The following TTC13 variants were observed in gnomAD, a reference collection of about 807,000 sequenced individuals.
TTC13 encodes the protein tetratricopeptide repeat domain 13.
A neutral mutation model predicts 120.0 loss-of-function variants in TTC13; 62 were observed. That is an observed-to-expected ratio of 0.52 (90% CI 0.42 to 0.64). The LOEUF (loss-of-function observed/expected upper bound fraction) is 0.64, where lower values mean the gene tolerates loss of function less well. Among genes scored for constraint, TTC13 ranks in the 30% least tolerant of loss-of-function variants. TTC13 has a pLI of 0.00. For missense variants in TTC13, 824 were observed against 1,050.2 expected (o/e 0.78, Z 2.98); for synonymous variants, 384 against 393.5 (o/e 0.98, Z 0.28).
At chr1:230,916,942 T>C (rs1323548049) in intron 17 of TTC13, among the ~76,000 whole-genome samples, 1 of 152,190 alleles carries the variant, frequency 6.6e-6, no homozygotes, top group Admixed American at 6.5e-5. Context: ...TGGCAATAAA[T>C]AGGTTTCAGA....
chr1:230,955,488 C>G (rs1476295671), intron 3 of TTC13, among the ~76,000 whole-genome samples: 1 of 149,450 alleles, frequency 6.7e-6, no homozygotes, highest in Non-Finnish European at 1.5e-5. Flanking sequence ...ACGGTGAAAC[C>G]CCGTCTCTAC....
chr1:230,937,974 G>A (rs767737949), intron 8 of TTC13, among the ~76,000 whole-genome samples: 2 of 152,140 alleles, frequency 1.3e-5, no homozygotes, highest in Non-Finnish European at 2.9e-5. Flanking sequence ...GCACTAATAC[G>A]TATTGAGCAC....
chr1:230,977,430 C>T (rs933662313), intron 1 of TTC13, among the ~76,000 whole-genome samples: 1 of 152,122 alleles, frequency 6.6e-6, no homozygotes. Context: ...CTTTCTCCAC[C>T]GTGCAAGGCT....
intron 7 of TTC13, 88 bp from the exon 8 acceptor site, chr1:230,939,584 A>G (rs1016024473): frequency 1.3e-5 from 10 of 767,836 alleles, no homozygotes; most frequent in African/African-American, 6.9e-5. Context: ...GAGAAAAAAA[A>G]TCTCAATTCA....
At chr1:230,957,665 C>T (rs1184477169) in intron 3 of TTC13, among the ~76,000 whole-genome samples, 3 of 152,190 alleles carry the variant, frequency 2.0e-5, no homozygotes, top group Non-Finnish European at 4.4e-5. Context: ...CACTAGACAG[C>T]GAGGGAAACA....
At position 230,924,900 on chromosome 1, in the gene TTC13, A is replaced by G. The variant is rs1365514822; in HGVS notation, c.1662T>C (p.Asn554=). 9.3e-6 allele frequency: 15 copies of G among 1,614,088 alleles called. No homozygotes were observed. The highest frequency in any genetic ancestry group is 1.3e-5 in the African/African-American group (1 of 74,926). The change falls in exon 14 of 23, where the codon AAT becomes AAC. Residue 554 remains asparagine, a synonymous_variant. Coordinates refer to ENST00000366661, the MANE Select transcript of TTC13 (RefSeq NM_024525.5). ...TCCACTGCATCAACCGTGTCTTCCC[A>G]TTCATTCGAACTTTCGAGTTGGTCC... ...RTWTNSKVRM[N]GKTRLMQWRD...
At chr1:230,968,215 TAA>T (rs36025426) in intron 1 of TTC13, among the ~76,000 whole-genome samples, 5 of 143,614 alleles carry the variant, frequency 3.5e-5, no homozygotes, top group Non-Finnish European at 6.0e-5. Flanking sequence ...TTATTGTGGT[TAA>T]AAAAAAAACA....
intron 4 of TTC13, among the ~76,000 whole-genome samples, chr1:230,946,489 A>T (rs1675010101): frequency 6.6e-6 from 1 of 152,236 alleles, no homozygotes; most frequent in Non-Finnish European, 1.5e-5. Context: ...ATAGAATGAG[A>T]TGCATCTATA....
At chr1:230,933,916 T>A in intron 8 of TTC13, 55 bp from the exon 9 acceptor site, 1 of 1,121,748 alleles carries the variant, frequency 8.9e-7, no homozygotes, top group Non-Finnish European at 1.3e-6. Flanking sequence ...AAATTGAGAT[T>A]CACTTAAATC....
intron 18 of TTC13, among the ~76,000 whole-genome samples, chr1:230,915,714 T>C (rs572601825): frequency 6.6e-6 from 1 of 152,320 alleles, no homozygotes; most frequent in African/African-American, 2.4e-5. Flanking sequence ...TTAATTTTGC[T>C]TATCTGTATA....
rs559286419 is a variant in TTC13 at position 230,909,116 on chromosome 1, T to G, written c.2310-96A>C. 3.3e-5 allele frequency: 35 copies of G among 1,060,732 alleles called. 1 individual carries two copies. In the Middle Eastern group the frequency reaches 8.3e-4, roughly 25 times the overall value. The allele number at this position is 1,060,732 out of a possible 1,614,324, so 65.7% of individuals were successfully genotyped here. A position where few individuals can be genotyped will look rare whatever the true frequency, so the allele number is the denominator to read the frequency against. On this transcript the variant is annotated intron_variant, in intron 20 of 22. Coordinates refer to ENST00000366661, the MANE Select transcript of TTC13 (RefSeq NM_024525.5). ...GACTTCCCATCATGAAAGATAAAAT[T>G]TATTCAAAAATTCTTTCAAATAAAA... is the stretch of plus-strand genomic sequence containing the variant.
chr1:230,932,977 T>C (rs1030037312), intron 9 of TTC13, among the ~76,000 whole-genome samples: 1 of 152,126 alleles, frequency 6.6e-6, no homozygotes, highest in Non-Finnish European at 1.5e-5. Context: ...AATATACTTT[T>C]TTTTTCCTGT....
chr1:230,937,849 T>C (rs1674203876), intron 8 of TTC13, among the ~76,000 whole-genome samples: 1 of 152,238 alleles, frequency 6.6e-6, no homozygotes, highest in Non-Finnish European at 1.5e-5. Flanking sequence ...AGTAGAATTG[T>C]TTCCACTTTA....
In TTC13 at chr1:230,906,802, CAAAAGTAAT is replaced by C. The variant is rs544167906; in HGVS notation, c.*94_*102del. The C allele has an allele frequency of 6.6e-6, 3 of 457,232 alleles. No homozygotes were observed. Among genetic ancestry groups the C allele is most frequent in the Non-Finnish European group, 1.2e-5 (3 of 259,020 alleles). 28.3% of individuals were successfully genotyped at this position (457,232 alleles called of 1,614,324 possible). A position where few individuals can be genotyped will look rare whatever the true frequency, so the allele number is the denominator to read the frequency against. On this transcript the variant is annotated 3_prime_UTR_variant, in exon 23 of 23. Coordinates refer to ENST00000366661, the MANE Select transcript of TTC13 (RefSeq NM_024525.5). ...ATTCAATTCCTATAAAAATTGGTATCAAAAGTAATAGAGGACCTAATTTCTTTATAATTC... is the reference window on the plus strand; with the variant it reads ...ATTCAATTCCTATAAAAATTGGTATCAGAGGACCTAATTTCTTTATAATTC...
Position 230,931,374 on chromosome 1 carries a change from T to C in TTC13, c.1224A>G (p.Gln408=). The part of the protein sequence containing the change: ...MGQFYEGIKA[Q]TKVMLNDPLP... The stretch of plus-strand genomic sequence containing the variant: ...GAGGATCATTCAGCATAACTTTTGT[T>C]TGTGCTTTTATCCCTTCATAAAACT... Residue 408 remains glutamine (Q), a synonymous_variant, in exon 11 of 23, where the codon CAA becomes CAG. Transcript: ENST00000366661. 6.2e-7 allele frequency: 1 copy of C among 1,614,234 alleles called. No individual in the cohort carries two copies. The highest frequency in any genetic ancestry group is 8.5e-7 in the Non-Finnish European group (1 of 1,180,044).
In TTC13 at chr1:230,978,442, C is replaced by A. The variant is rs1308943712; in HGVS notation, c.271+118G>T. ...GGACCCCTGGCCGAGCCGGCTCCCGCGGATCGCGCGCCGCAGCCGGAGGCG... is the reference window on the plus strand; with the variant it reads ...GGACCCCTGGCCGAGCCGGCTCCCGAGGATCGCGCGCCGCAGCCGGAGGCG... On this transcript the variant is annotated intron_variant, in intron 1 of 22. Transcript: ENST00000366661. This position sits in a 1 kb window ranked among gnomAD's most constrained non-coding sequence, Gnocchi z 5.6. The A allele has an allele frequency of 2.7e-5, 7 of 255,816 alleles. 1 individual carries two copies. The highest frequency in any genetic ancestry group is 1.6e-4 in the African/African-American group (7 of 43,820). The allele number at this position is 255,816 out of a possible 1,614,324, so 15.8% of individuals were successfully genotyped here. A position where few individuals can be genotyped will look rare whatever the true frequency, so the allele number is the denominator to read the frequency against.
In TTC13 at chr1:230,908,705, T is replaced by C. The variant is rs112689540; in HGVS notation, c.2468+7A>G. 4 of 1,612,236 alleles carry C rather than the reference T, an allele frequency of 2.5e-6. No individual in the cohort carries two copies. Among genetic ancestry groups the C allele is most frequent in the South Asian group, 1.1e-5 (1 of 91,018 alleles). ...TACCCTTGTGTGGACCCCCCTCAAG[T>C]AGTTACCTTTTCAAGTTCATCCAGC... On this transcript the variant is annotated splice_region_variant and intron_variant, in intron 22 of 22. Coordinates refer to ENST00000366661, the MANE Select transcript of TTC13 (RefSeq NM_024525.5).
At chr1:230,972,437 A>C (rs1377365746) in intron 1 of TTC13, among the ~76,000 whole-genome samples, 1 of 152,282 alleles carries the variant, frequency 6.6e-6, no homozygotes, top group Non-Finnish European at 1.5e-5. Flanking sequence ...GCATTCACCC[A>C]AAGTATTAAA....
rs1450998472 is a variant in TTC13, at chr1:230,940,601, C to A, written c.673-45G>T. The A allele has an allele frequency of 8.0e-7, 1 of 1,248,800 alleles. No homozygotes were observed. The allele number at this position is 1,248,800 out of a possible 1,614,324, so 77.4% of individuals were successfully genotyped here. On this transcript the variant is annotated intron_variant, in intron 6 of 22. Transcript: ENST00000366661. This position sits in a 1 kb window ranked among gnomAD's most constrained non-coding sequence, Gnocchi z 4.1. ...AATCAGGAAGAATACCAATGACCAA[C>A]CCTAAAATCCCAATGTTTTTGACTC...
Sources: allele counts gnomAD v4.1 joint callset (sites outside exome capture counted in the v4.1 genomes callset), GRCh38; gene constraint gnomAD v4.1.1; non-coding constraint Gnocchi (gnomAD v3.1); transcripts MANE v1.5; gene names NCBI Gene and HGNC (gene_info 2026-07-23, HGNC 2026-07-21).